The following ST13 variants were observed in gnomAD, a reference collection of about 807,000 sequenced individuals.
ST13 encodes ST13 Hsp70 interacting protein.
A neutral mutation model predicts 56.7 loss-of-function variants in ST13; 23 were observed. The ratio of observed to expected loss-of-function variants is 0.41; its 90% CI spans 0.29 to 0.57. The LOEUF (loss-of-function observed/expected upper bound fraction) is 0.57. Among genes scored for constraint, ST13 ranks in the 20% least tolerant of loss-of-function variants. The pLI is 0.36. For missense variants in ST13, 369 were observed against 459.9 expected (o/e 0.80, Z 1.81); for synonymous variants, 132 against 142.4 (o/e 0.93, Z 0.52).
chr22:40,835,655 T>A lies in ST13; in HGVS notation c.483A>T (p.Leu161Phe), dbSNP rs1293816949. The A allele has an allele frequency of 6.2e-7, 1 of 1,613,948 alleles. No homozygotes were observed. The highest frequency in any genetic ancestry group is 8.5e-7 in the Non-Finnish European group (1 of 1,179,866). Residue 161 changes from leucine to phenylalanine, a missense_variant, in exon 7 of 12, where the codon TTA (leucine) becomes TTT (phenylalanine). By Grantham distance (22) the Leu-to-Phe change is conservative. Transcript: ENST00000216218. ...CTCGGATGGCAGCATTTGGCTTCTG[T>A]AATTTGACGAAGACACTGAAAAATA... is the stretch of plus-strand genomic sequence containing the variant. ...YAKRASVFVKLQKPNAAIRDC... is the reference protein window; with the variant it reads ...YAKRASVFVKFQKPNAAIRDC...
chr22:40,826,779 A>G, intron 11 of ST13, 113 bp from the exon 12 acceptor site: 1 of 1,306,542 alleles, frequency 7.7e-7, no homozygotes, highest in East Asian at 2.3e-5. Context: ...GTTAAGTTAA[A>G]TGGGGTTTAG....
At chr22:40,845,366 T>TG (rs2057825689) in intron 3 of ST13, among the ~76,000 whole-genome samples, 2 of 152,096 alleles carry the variant, frequency 1.3e-5, no homozygotes, top group South Asian at 4.1e-4. Context: ...TAAAATAATT[T>TG]TGGGGGGGGC....
chr22:40,835,394 C>A, intron 7 of ST13, 166 bp downstream of exon 7: 1 of 462,650 alleles, frequency 2.2e-6, no homozygotes, highest in Non-Finnish European at 4.0e-6. Context: ...TTTTCTTTTA[C>A]CTTTTAAGCA....
chr22:40,845,375 G>A (rs936223101), intron 3 of ST13, among the ~76,000 whole-genome samples: 1 of 151,874 alleles, frequency 6.6e-6, no homozygotes, highest in Admixed American at 6.6e-5. Flanking sequence ...TTTGGGGGGG[G>A]CACAGGATCT....
rs1414711715 is a variant in ST13 at position 40,826,677 on chromosome 22, A to AG, written c.982-12dup. 6.2e-7 allele frequency: 1 copy of AG among 1,608,936 alleles called. No individual in the cohort carries two copies. Among genetic ancestry groups the AG allele is most frequent in the Non-Finnish European group, 8.5e-7 (1 of 1,179,656 alleles). On this transcript the variant is annotated splice_polypyrimidine_tract_variant and intron_variant, in intron 11 of 11. Transcript: ENST00000216218. ...CATAACTTCTGGATCCTGAAAAGAA[A>AG]GGGTTCATTAGTATTTAAAAAGTGT...
intron 2 of ST13, 77 bp from the exon 3 acceptor site, chr22:40,848,446 T>C: frequency 9.7e-7 from 1 of 1,032,502 alleles, no homozygotes; most frequent in East Asian, 2.5e-5. Flanking sequence ...TACAAATCTA[T>C]GTATAAACTG....
At chr22:40,841,773 T>C (rs933759499) in intron 4 of ST13, among the ~76,000 whole-genome samples, 1 of 141,544 alleles carries the variant, frequency 7.1e-6, no homozygotes, top group South Asian at 2.2e-4. Flanking sequence ...TTTTTTTTTT[T>C]ATAGAGACGG....
At position 40,826,285 on chromosome 22, in the gene ST13, A is replaced by G. The variant is rs2145729263; in HGVS notation, c.*253T>C. The G allele has an allele frequency of 3.5e-6, 1 of 286,672 alleles. No homozygotes were observed. Among genetic ancestry groups the G allele is most frequent in the African/African-American group, 2.2e-5 (1 of 45,940 alleles). The allele number at this position is 286,672 out of a possible 1,614,324, so 17.8% of individuals were successfully genotyped here. On this transcript the variant is annotated 3_prime_UTR_variant, in exon 12 of 12. Coordinates refer to ENST00000216218, the MANE Select transcript of ST13 (RefSeq NM_003932.5). Reference sequence around the variant, plus strand: ...CAGGCCCTTTAAATTTGTTTTAAATATTTTGAAGATTTAAAAAGTGTTTAA... The same window carrying G: ...CAGGCCCTTTAAATTTGTTTTAAATGTTTTGAAGATTTAAAAAGTGTTTAA...
chr22:40,838,063 C>T (rs73412741), intron 5 of ST13, among the ~76,000 whole-genome samples: 219 of 152,222 alleles, frequency 1.4e-3, no homozygotes, highest in African/African-American at 5.1e-3. Flanking sequence ...AGTTGGTAAA[C>T]GTTTTCTGGA....
chr22:40,837,518 T>C (rs2057783527), intron 5 of ST13, among the ~76,000 whole-genome samples: 1 of 152,160 alleles, frequency 6.6e-6, no homozygotes, highest in African/African-American at 2.4e-5. Flanking sequence ...TGGTGGCGCA[T>C]GCCTGTAATC....
chr22:40,845,876 T>C lies in ST13; in HGVS notation c.245-967A>G, dbSNP rs370990756. ...TCCAGCAACAACAAAACTTGACGCA[T>C]GACTGACAAACTATATATATACATA... On this transcript the variant is annotated intron_variant, in intron 3 of 11. Coordinates refer to ENST00000216218, the MANE Select transcript of ST13 (RefSeq NM_003932.5). Among the ~76,000 whole-genome samples the C allele has an allele frequency of 1.1e-4, 17 of 152,306 alleles. 1 individual carries two copies. The East Asian group carries it at 1.5e-3, about 14-fold the overall frequency.
chr22:40,835,463 T>A, intron 7 of ST13, 97 bp downstream of exon 7: 4 of 1,029,362 alleles, frequency 3.9e-6, no homozygotes, highest in Non-Finnish European at 6.0e-6. Context: ...GAAAATTAAG[T>A]CATTAGGAAC....
chr22:40,854,823 T>C (rs899296757), intron 1 of ST13, among the ~76,000 whole-genome samples: 3 of 152,236 alleles, frequency 2.0e-5, no homozygotes, highest in Non-Finnish European at 4.4e-5. Flanking sequence ...TTAAGGCTTT[T>C]GGATCATCAA....
Position 40,826,493 on chromosome 22 carries a change from T to C in ST13, c.*45A>G, listed in dbSNP as rs2057728762. 8 of 1,590,368 alleles carry C rather than the reference T, an allele frequency of 5.0e-6. No individual in the cohort carries two copies. The highest frequency in any genetic ancestry group is 2.2e-5 in the South Asian group (2 of 90,416). Reference sequence around the variant, plus strand: ...TTATTGCGACATCCATAAGGTGATCTAGGTTGCTTTTCCTTCAGCAAGGGC... The same window carrying C: ...TTATTGCGACATCCATAAGGTGATCCAGGTTGCTTTTCCTTCAGCAAGGGC... On this transcript the variant is annotated 3_prime_UTR_variant, in exon 12 of 12. Transcript: ENST00000216218.
At chr22:40,845,470 T>C (rs573673092) in intron 3 of ST13, among the ~76,000 whole-genome samples, 1 of 152,274 alleles carries the variant, frequency 6.6e-6, no homozygotes, top group East Asian at 1.9e-4. Flanking sequence ...TGGTCCCTAA[T>C]TATTTTCATT....
intron 11 of ST13, among the ~76,000 whole-genome samples, 174 bp from the exon 12 acceptor site, chr22:40,826,840 A>G (rs2057730895): frequency 6.6e-6 from 1 of 152,238 alleles, no homozygotes; most frequent in Non-Finnish European, 1.5e-5. Flanking sequence ...TTTGAACTGT[A>G]TGATGAAAAA....
intron 1 of ST13, among the ~76,000 whole-genome samples, chr22:40,854,783 C>T (rs1249092850): frequency 6.6e-6 from 1 of 152,120 alleles, no homozygotes; most frequent in African/African-American, 2.4e-5. Flanking sequence ...AGGTTCTTTC[C>T]TATAATTAGG....
At chr22:40,852,576 T>C (rs1042971943) in intron 1 of ST13, among the ~76,000 whole-genome samples, 99 of 152,246 alleles carry the variant, frequency 6.5e-4, no homozygotes, top group African/African-American at 2.3e-3. Flanking sequence ...GAATTTCTTA[T>C]AAGCACCATT....
rs1294985976 is a variant in ST13, at chr22:40,825,418, A to G, written c.*1120T>C. ...AACTGCAATAGGTTTTTCTAAGTAG[A>G]AGACCAAACACCAAAGGGAATCCCT... On this transcript the variant is annotated 3_prime_UTR_variant, in exon 12 of 12. Transcript: ENST00000216218. The G allele has an allele frequency of 3.9e-5, 6 of 152,202 alleles. No individual in the cohort carries two copies. The highest frequency in any genetic ancestry group is 5.9e-5 in the Non-Finnish European group (4 of 68,042). 9.4% of individuals were successfully genotyped at this position (152,202 alleles called of 1,614,324 possible).
Sources: allele counts gnomAD v4.1 joint callset (sites outside exome capture counted in the v4.1 genomes callset), GRCh38; gene constraint gnomAD v4.1.1; transcripts MANE v1.5; gene names NCBI Gene and HGNC (gene_info 2026-07-23, HGNC 2026-07-21).